Variants in HNRNPM observed in about 807,000 individuals in gnomAD.
The protein encoded by HNRNPM is heterogeneous nuclear ribonucleoprotein M, also known as CEA receptor.
Under a neutral mutation model 73.1 loss-of-function variants are expected in HNRNPM, and 11 were observed. The ratio of observed to expected loss-of-function variants is 0.15; its 90% CI spans 0.09 to 0.25. HNRNPM has a LOEUF of 0.25. HNRNPM is among the 10% of genes least tolerant of loss of function. The pLI is 1.00. For missense variants in HNRNPM, 789 were observed against 1,067.9 expected (o/e 0.74, Z 3.64); for synonymous variants, 407 against 355.2 (o/e 1.15, Z -1.64).
At chr19:8,482,875 T>C (rs1272075883) in intron 12 of HNRNPM, 2 of 325,524 alleles carry the variant, frequency 6.1e-6, no homozygotes, top group African/African-American at 2.2e-5. Context: ...TCTCAGTTCA[T>C]GAATGCATAT....
Position 8,444,987 on chromosome 19 carries a change from G to C in HNRNPM, c.-12G>C. ...AGCCCGTTCGCTCACACAAAGCCCA[G>C]ACGCGGAGAAAATGGCGGCAGGGGT... On this transcript the variant is annotated 5_prime_UTR_variant, in exon 1 of 16. Coordinates refer to ENST00000325495, the MANE Select transcript of HNRNPM (RefSeq NM_005968.5). 1.4e-6 allele frequency: 2 copies of C among 1,403,992 alleles called. No individual in the cohort carries two copies. Among genetic ancestry groups the C allele is most frequent in the Non-Finnish European group, 1.9e-6 (2 of 1,079,252 alleles). The allele number at this position is 1,403,992 out of a possible 1,614,324, so 87.0% of individuals were successfully genotyped here.
chr19:8,455,012 C>T (rs962575100), intron 1 of HNRNPM, among the ~76,000 whole-genome samples: 2 of 152,028 alleles, frequency 1.3e-5, no homozygotes, highest in African/African-American at 4.8e-5. Flanking sequence ...CTCGCTCTGT[C>T]ACCCTAGGCT....
At chr19:8,467,059 G>T (rs1969806125) in intron 7 of HNRNPM, among the ~76,000 whole-genome samples, 1 of 141,796 alleles carries the variant, frequency 7.1e-6, no homozygotes, top group South Asian at 2.5e-4. Context: ...TCTTTCCAGT[G>T]AGTAGACATC....
chr19:8,488,948 T>G lies in HNRNPM; in HGVS notation c.*94T>G. ...TTTGTTGGCTGGATGTATAAAGATGTTTAAAAAATTCAGTTGCTTTTTGGG... is the reference window on the plus strand; with the variant it reads ...TTTGTTGGCTGGATGTATAAAGATGGTTAAAAAATTCAGTTGCTTTTTGGG... On this transcript the variant is annotated 3_prime_UTR_variant, in exon 16 of 16. Transcript: ENST00000325495. 2 of 1,187,296 alleles carry G rather than the reference T, an allele frequency of 1.7e-6. 1 individual carries two copies. The highest frequency in any genetic ancestry group is 2.4e-6 in the Non-Finnish European group (2 of 850,822). The allele number at this position is 1,187,296 out of a possible 1,614,324, so 73.5% of individuals were successfully genotyped here.
chr19:8,454,657 G>A (rs1453149353), intron 1 of HNRNPM, among the ~76,000 whole-genome samples: 1 of 148,684 alleles, frequency 6.7e-6, no homozygotes, highest in African/African-American at 2.5e-5. Context: ...TTTCCATGGC[G>A]GCTGCATCAT....
At chr19:8,458,473 T>C (rs1301304995) in intron 2 of HNRNPM, among the ~76,000 whole-genome samples, 1 of 152,240 alleles carries the variant, frequency 6.6e-6, no homozygotes, top group Admixed American at 6.5e-5. Flanking sequence ...GACCAAGTCC[T>C]GTATGAGTGG....
Position 8,471,409 on chromosome 19 carries a change from G to A in HNRNPM, c.979G>A (p.Gly327Arg). 3.1e-6 allele frequency: 5 copies of A among 1,602,632 alleles called. No homozygotes were observed. The highest frequency in any genetic ancestry group is 4.3e-6 in the Non-Finnish European group (5 of 1,173,844). ...TCACCTGAATAAAGGCATCGGAATGGGAAACATAGGTCCCGCAGGTGAGAA... is the reference window on the plus strand; with the variant it reads ...TCACCTGAATAAAGGCATCGGAATGAGAAACATAGGTCCCGCAGGTGAGAA... ...ANHLNKGIGMGNIGPAGMGME... is the reference protein window; with the variant it reads ...ANHLNKGIGMRNIGPAGMGME... Residue 327 changes from glycine (G) to arginine (R), a missense_variant, in exon 10 of 16, where the codon GGA becomes AGA. Around this residue, in one of 4 missense-constraint regions of HNRNPM, gnomAD observed 604 missense variants for 744.0 expected, o/e 0.81. Coordinates refer to ENST00000325495, the MANE Select transcript of HNRNPM (RefSeq NM_005968.5).
chr19:8,463,568 G>A lies in HNRNPM; in HGVS notation c.345-25G>A, dbSNP rs373928036. 3.6e-5 allele frequency: 58 copies of A among 1,612,126 alleles called. No individual in the cohort carries two copies. The East Asian group carries it at 7.4e-4, about 20-fold the overall frequency. ...CTAACTTGTAGGACTGGTTTCACTC[G>A]ACTCGTTTCCTTTTGACTCTATAGT... On this transcript the variant is annotated intron_variant, in intron 4 of 15. Transcript: ENST00000325495.
chr19:8,473,144 GA>G (rs1970268998), intron 10 of HNRNPM, among the ~76,000 whole-genome samples: 1 of 152,152 alleles, frequency 6.6e-6, no homozygotes, highest in South Asian at 2.1e-4. Flanking sequence ...TTGGGAGGCT[GA>G]GGCAAGAGGA....
chr19:8,467,356 G>T (rs8103056), intron 7 of HNRNPM, among the ~76,000 whole-genome samples, 179 bp from the exon 8 acceptor site: 9 of 152,066 alleles, frequency 5.9e-5, no homozygotes, highest in Admixed American at 2.6e-4. Flanking sequence ...TGTCCTCCCC[G>T]CCAGCTTTAT....
chr19:8,488,950 T>A lies in HNRNPM; in HGVS notation c.*96T>A. 2 of 1,178,096 alleles carry A rather than the reference T, an allele frequency of 1.7e-6. No individual in the cohort carries two copies. Among genetic ancestry groups the A allele is most frequent in the South Asian group, 3.5e-5 (2 of 57,958 alleles). 73.0% of individuals were successfully genotyped at this position (1,178,096 alleles called of 1,614,324 possible). A position where few individuals can be genotyped will look rare whatever the true frequency, so the allele number is the denominator to read the frequency against. ...TGTTGGCTGGATGTATAAAGATGTT[T>A]AAAAAATTCAGTTGCTTTTTGGGGT... On this transcript the variant is annotated 3_prime_UTR_variant, in exon 16 of 16. Transcript: ENST00000325495.
intron 9 of HNRNPM, among the ~76,000 whole-genome samples, chr19:8,470,306 G>C (rs534357037): frequency 1.3e-5 from 2 of 152,250 alleles, no homozygotes; most frequent in East Asian, 3.9e-4. Flanking sequence ...AATGAACTTT[G>C]TTTGCTTTCT....
chr19:8,445,336 T>G (rs1968065608), intron 1 of HNRNPM: 1 of 396,152 alleles, frequency 2.5e-6, no homozygotes, highest in East Asian at 3.8e-5. Flanking sequence ...CCACCCTCAG[T>G]CCCTCCAGGC....
chr19:8,464,517 A>G (rs2145664723), intron 5 of HNRNPM, among the ~76,000 whole-genome samples: 1 of 152,006 alleles, frequency 6.6e-6, no homozygotes, highest in Non-Finnish European at 1.5e-5. Flanking sequence ...CCTGTAATCC[A>G]TCTACTCGGG....
chr19:8,466,156 T>G, intron 6 of HNRNPM, 79 bp from the exon 7 acceptor site: 1 of 1,347,812 alleles, frequency 7.4e-7, no homozygotes, highest in South Asian at 1.3e-5. Flanking sequence ...AACCAAAGCA[T>G]GTATCATTCA....
In HNRNPM at chr19:8,485,842, A is replaced by G; in HGVS notation, c.1414A>G (p.Met472Val). 5 of 1,602,592 alleles carry G rather than the reference A, an allele frequency of 3.1e-6. No individual in the cohort carries two copies. The highest frequency in any genetic ancestry group is 3.4e-6 in the Non-Finnish European group (4 of 1,179,424). ...LDHMASSIER[M>V]GQTMERIGSG... ...CCACATGGCCTCCAGCATTGAGCGC[A>G]TGGGCCAGACCATGGAGCGCATTGG... Residue 472 changes from methionine to valine, a missense_variant, in exon 14 of 16, where the codon ATG (methionine) becomes GTG (valine). By Grantham distance (21) the Met-to-Val change is conservative (BLOSUM62 1). This residue lies in a region of HNRNPM where 604 missense variants were observed against 744.0 expected (regional missense o/e 0.81). Coordinates refer to ENST00000325495, the MANE Select transcript of HNRNPM (RefSeq NM_005968.5).
At chr19:8,446,242 C>T (rs889782244) in intron 1 of HNRNPM, among the ~76,000 whole-genome samples, 1 of 152,210 alleles carries the variant, frequency 6.6e-6, no homozygotes, top group Non-Finnish European at 1.5e-5. Flanking sequence ...GTAACCGTCA[C>T]TGCTTCATGT....
intron 12 of HNRNPM, among the ~76,000 whole-genome samples, chr19:8,478,147 T>G (rs559287579): frequency 1.3e-5 from 2 of 152,302 alleles, no homozygotes; most frequent in South Asian, 4.1e-4. Context: ...TACCCAGTAT[T>G]GTGGTTTGTG....
intron 1 of HNRNPM, among the ~76,000 whole-genome samples, chr19:8,447,711 C>G (rs1486904760): frequency 1.3e-5 from 2 of 151,952 alleles, no homozygotes; most frequent in African/African-American, 2.4e-5. Flanking sequence ...ATGGTGAAAC[C>G]CTGTCTCTAC....
Sources: allele counts gnomAD v4.1 joint callset (sites outside exome capture counted in the v4.1 genomes callset), GRCh38; gene constraint gnomAD v4.1.1; regional missense constraint gnomAD v4.1.1; transcripts MANE v1.5; gene names NCBI Gene and HGNC (gene_info 2026-07-23, HGNC 2026-07-21).